The following POU2F1 variants were observed in gnomAD, a reference collection of about 807,000 sequenced individuals.
POU2F1 encodes POU domain, class 2, transcription factor 1.
In POU2F1, 16 loss-of-function variants were observed where a neutral mutation model predicts 84.9. That is an observed-to-expected ratio of 0.19 (90% CI 0.13 to 0.29). The LOEUF (loss-of-function observed/expected upper bound fraction) is 0.29, where lower values mean the gene tolerates loss of function less well. Ranked by LOEUF, POU2F1 falls within the 10% of genes least tolerant of loss-of-function variation. The pLI, the probability that POU2F1 is intolerant of heterozygous loss-of-function variation, is 1.00. For missense variants in POU2F1, 738 were observed against 942.6 expected (o/e 0.78, Z 2.84); for synonymous variants, 368 against 368.3 (o/e 1.00, Z 0.01).
At chr1:167,412,814 T>G (rs1471026279) in intron 14 of POU2F1, among the ~76,000 whole-genome samples, 1 of 152,256 alleles carries the variant, frequency 6.6e-6, no homozygotes, top group African/African-American at 2.4e-5. Context: ...ATAAAAGTTT[T>G]ACATTTTGTG....
intron 2 of POU2F1, among the ~76,000 whole-genome samples, chr1:167,345,466 T>C (rs904932021): frequency 1.5e-4 from 23 of 152,190 alleles, no homozygotes; most frequent in Admixed American, 1.3e-3. Flanking sequence ...TAAACAAGTC[T>C]AGGATTAAAA....
intron 2 of POU2F1, among the ~76,000 whole-genome samples, chr1:167,362,511 G>A (rs1659410464): frequency 6.6e-6 from 1 of 152,160 alleles, no homozygotes; most frequent in African/African-American, 2.4e-5. Flanking sequence ...GAAGGTTTAG[G>A]CCACTACCTT....
intron 1 of POU2F1, among the ~76,000 whole-genome samples, chr1:167,255,123 G>A (rs559141550): frequency 1.1e-4 from 17 of 152,276 alleles, no homozygotes; most frequent in African/African-American, 3.9e-4. Context: ...TCTAATGCAC[G>A]TTTGCTTTTG....
intron 1 of POU2F1, among the ~76,000 whole-genome samples, chr1:167,282,929 T>C (rs940956452): frequency 2.0e-5 from 3 of 152,384 alleles, no homozygotes; most frequent in African/African-American, 7.2e-5. Context: ...TTTTCTCATA[T>C]GTAAAATGGG....
intron 13 of POU2F1, among the ~76,000 whole-genome samples, chr1:167,405,982 A>C (rs934895317): frequency 6.6e-6 from 1 of 152,258 alleles, no homozygotes. Context: ...TAAAACATGC[A>C]TCAAAGAAGA....
intron 1 of POU2F1, among the ~76,000 whole-genome samples, chr1:167,259,120 A>C (rs1277967009): frequency 6.6e-6 from 1 of 152,234 alleles, no homozygotes; most frequent in African/African-American, 2.4e-5. Flanking sequence ...ATGCTTCAGC[A>C]GAGACAGCTT....
rs549267801 is a variant in POU2F1 at position 167,327,223 on chromosome 1, C to CA, written c.62-5246dup. 1.1e-4 allele frequency among the ~76,000 whole-genome samples: 17 copies of CA among 152,356 alleles called. No homozygotes were observed. The East Asian group carries it at 2.9e-3, about 26-fold the overall frequency. On this transcript the variant is annotated intron_variant, in intron 1 of 15. Coordinates refer to ENST00000367866, the MANE Select transcript of POU2F1 (RefSeq NM_002697.4). The stretch of plus-strand genomic sequence containing the variant: ...GATGTCTGCCCTGGCACAACTGCAT[C>CA]ACATTCCTCCAGTCCACGCTCTTGT...
chr1:167,412,650 G>A (rs1039021572), intron 14 of POU2F1, among the ~76,000 whole-genome samples: 1 of 152,066 alleles, frequency 6.6e-6, no homozygotes, highest in Admixed American at 6.5e-5. Flanking sequence ...TAATTCTCAA[G>A]CATAGATAAG....
chr1:167,390,993 G>C (rs1256659770), intron 9 of POU2F1, among the ~76,000 whole-genome samples: 1 of 152,018 alleles, frequency 6.6e-6, no homozygotes, highest in Non-Finnish European at 1.5e-5. Flanking sequence ...AGCTAACCGA[G>C]GACTTTTAAA....
At chr1:167,412,741 G>A (rs1650050881) in intron 14 of POU2F1, among the ~76,000 whole-genome samples, 1 of 152,038 alleles carries the variant, frequency 6.6e-6, no homozygotes, top group Non-Finnish European at 1.5e-5. Context: ...TTTTTCTCTA[G>A]AATGTTTCTT....
At chr1:167,328,618 A>C (rs1311963067) in intron 1 of POU2F1, among the ~76,000 whole-genome samples, 1 of 152,134 alleles carries the variant, frequency 6.6e-6, no homozygotes, top group Non-Finnish European at 1.5e-5. Context: ...ATTTTAACAG[A>C]ACTCTGTCTC....
At chr1:167,306,310 C>T (rs1049400905) in intron 1 of POU2F1, among the ~76,000 whole-genome samples, 1 of 152,174 alleles carries the variant, frequency 6.6e-6, no homozygotes, top group African/African-American at 2.4e-5. Flanking sequence ...ATAGTCCTAA[C>T]ACTATTAAGA....
intron 13 of POU2F1, among the ~76,000 whole-genome samples, chr1:167,408,882 TA>T (rs1247928614): frequency 6.6e-6 from 1 of 152,260 alleles, no homozygotes; most frequent in African/African-American, 2.4e-5. Context: ...TTTGTCCATT[TA>T]AAAATCTAAG....
chr1:167,320,192 C>T (rs1303970932), intron 1 of POU2F1, among the ~76,000 whole-genome samples: 1 of 152,054 alleles, frequency 6.6e-6, no homozygotes, highest in Non-Finnish European at 1.5e-5. Context: ...TAGAATGAAC[C>T]ACATATGAAG....
chr1:167,333,007 A>G (rs1395832793), intron 2 of POU2F1, among the ~76,000 whole-genome samples: 5 of 152,194 alleles, frequency 3.3e-5, no homozygotes, highest in African/African-American at 4.8e-5. Flanking sequence ...TTTCTTACAG[A>G]TGTTAATCAA....
chr1:167,397,894 A>T, intron 10 of POU2F1, 100 bp from the exon 11 acceptor site: 2 of 1,242,148 alleles, frequency 1.6e-6, no homozygotes, highest in Admixed American at 4.9e-5. Flanking sequence ...TCATACTTGG[A>T]TGTAGCTTAT....
chr1:167,270,920 C>G lies in POU2F1; in HGVS notation c.61+49962C>G, dbSNP rs754719472. Among the ~76,000 whole-genome samples, 299 of 152,218 alleles carry G rather than the reference C, an allele frequency of 2.0e-3. 2 individuals carry two copies. Among genetic ancestry groups the G allele is most frequent in the Admixed American group, 3.9e-3 (60 of 15,286 alleles). On this transcript the variant is annotated intron_variant, in intron 1 of 15. Transcript: ENST00000367866. ...GTTTCTCTATGCTAATCTGAAAGCT[C>G]TACAGCAGAGACTACACATTTATAC...
chr1:167,358,737 T>TTTTG (rs71097670), intron 2 of POU2F1, among the ~76,000 whole-genome samples: 20 of 88,830 alleles, frequency 2.3e-4, no homozygotes, highest in East Asian at 8.8e-4. Context: ...TTTTTTTTTT[T>TTTTG]GAGACAGGTT....
At chr1:167,234,961 GATTT>G (rs1407616653) in intron 1 of POU2F1, among the ~76,000 whole-genome samples, 4 of 152,182 alleles carry the variant, frequency 2.6e-5, no homozygotes, top group Non-Finnish European at 5.9e-5. Context: ...CAAAAAGGTG[GATTT>G]GTTTACCACT....
Sources: allele counts gnomAD v4.1 joint callset (sites outside exome capture counted in the v4.1 genomes callset), GRCh38; gene constraint gnomAD v4.1.1; transcripts MANE v1.5; gene names NCBI Gene and HGNC (gene_info 2026-07-23, HGNC 2026-07-21).